Variants in ULK4 observed in about 807,000 individuals in gnomAD.
The protein encoded by ULK4 is inactive serine/threonine-protein kinase ULK4.
ULK4 carries 133 observed loss-of-function variants against 160.6 expected under a neutral mutation model. That is an observed-to-expected ratio of 0.83 (90% confidence interval 0.72 to 0.96). The LOEUF is 0.96. Among genes scored for constraint, ULK4 ranks in the 40% least tolerant of loss-of-function variants. The probability of loss-of-function intolerance (pLI) is 0.00; values close to 1 mark genes in which losing one functional copy is unlikely to be tolerated. For synonymous variants in ULK4, 534 were observed against 539.8 expected, an observed-to-expected ratio of 0.99 and a Z score of 0.15; for missense variants, 1,580 against 1,499.5, an observed-to-expected ratio of 1.05 and a Z score of -0.89.
At chr3:41,838,914 G>A (rs2041834078) in intron 17 of ULK4, among the ~76,000 whole-genome samples, 1 of 152,202 alleles carries the variant, frequency 6.6e-6, no homozygotes, top group Admixed American at 6.5e-5. Context: ...CTTACCTGAA[G>A]CTGGGGGTGG....
intron 14 of ULK4, among the ~76,000 whole-genome samples, chr3:41,897,649 C>T (rs141084983): frequency 5.4e-4 from 82 of 152,200 alleles, no homozygotes; most frequent in African/African-American, 1.9e-3. Flanking sequence ...GTAAATAGTC[C>T]TACTTGGCAC....
intron 17 of ULK4, among the ~76,000 whole-genome samples, chr3:41,853,290 T>C (rs573879741): frequency 6.6e-6 from 1 of 152,296 alleles, no homozygotes; most frequent in East Asian, 1.9e-4. Flanking sequence ...ACTGCTACTG[T>C]GGTACTCAAT....
chr3:41,931,614 C>T lies in ULK4; in HGVS notation c.541+230G>A, dbSNP rs191286598. 14 of 444,482 alleles carry T rather than the reference C, an allele frequency of 3.1e-5. No individual in the cohort carries two copies. In the Admixed American group the frequency reaches 4.6e-4, roughly 15 times the overall value. 27.5% of individuals were successfully genotyped at this position (444,482 alleles called of 1,614,324 possible). A position where few individuals can be genotyped will look rare whatever the true frequency, so the allele number is the denominator to read the frequency against. ...GCTCAGTAAAACATAAAGCTGAGGA[C>T]GAAATACAGGTTTTGTTAAGGTTCC... On this transcript the variant is annotated intron_variant, in intron 5 of 36. Coordinates refer to ENST00000301831, the MANE Select transcript of ULK4 (RefSeq NM_017886.4).
chr3:41,936,054 C>T (rs555792371), intron 3 of ULK4, 114 bp from the exon 4 acceptor site: 34 of 1,362,218 alleles, frequency 2.5e-5, no homozygotes, highest in Non-Finnish European at 3.0e-5. Context: ...ACAGTAAACG[C>T]TGACAGCCTG....
intron 31 of ULK4, among the ~76,000 whole-genome samples, chr3:41,587,824 T>C (rs2030944504): frequency 1.3e-5 from 2 of 152,210 alleles, no homozygotes; most frequent in African/African-American, 4.8e-5. Context: ...TAAATCTTTT[T>C]TAAATATCGG....
chr3:41,470,535 T>A (rs1478097941), intron 32 of ULK4, among the ~76,000 whole-genome samples: 1 of 152,114 alleles, frequency 6.6e-6, no homozygotes, highest in Non-Finnish European at 1.5e-5. Flanking sequence ...CAAAACTCAA[T>A]GGTATAAGTA....
At chr3:41,564,621 G>A (rs1414039970) in intron 32 of ULK4, among the ~76,000 whole-genome samples, 1 of 151,586 alleles carries the variant, frequency 6.6e-6, no homozygotes, top group Non-Finnish European at 1.5e-5. Context: ...ACCACACCTG[G>A]CTAATTTTTC....
chr3:41,827,850 A>G (rs1056931011), intron 18 of ULK4, among the ~76,000 whole-genome samples: 7 of 152,194 alleles, frequency 4.6e-5, no homozygotes, highest in African/African-American at 1.7e-4. Context: ...CAACCAAAAA[A>G]GAGAATTTTA....
intron 5 of ULK4, among the ~76,000 whole-genome samples, chr3:41,921,881 C>T (rs532792698): frequency 1.7e-4 from 26 of 152,142 alleles, no homozygotes; most frequent in Non-Finnish European, 3.2e-4. Context: ...CGGCCAGATG[C>T]GGTGGCTAAC....
intron 30 of ULK4, among the ~76,000 whole-genome samples, chr3:41,634,052 C>T (rs144356491): frequency 2.8e-4 from 42 of 152,310 alleles, no homozygotes; most frequent in Admixed American, 1.1e-3. Context: ...TGTTCCAATG[C>T]CAGAGTCACT....
chr3:41,442,059 T>A (rs776159527), intron 34 of ULK4, among the ~76,000 whole-genome samples: 2 of 152,216 alleles, frequency 1.3e-5, no homozygotes, highest in Non-Finnish European at 2.9e-5. Context: ...TGTGTCTTTA[T>A]AGCTAAGATA....
At chr3:41,383,877 A>T (rs1461602723) in intron 35 of ULK4, among the ~76,000 whole-genome samples, 1 of 152,212 alleles carries the variant, frequency 6.6e-6, no homozygotes, top group African/African-American at 2.4e-5. Context: ...TATATCTGTT[A>T]CCAAGAATAG....
intron 34 of ULK4, among the ~76,000 whole-genome samples, chr3:41,435,327 C>G (rs2083009568): frequency 6.6e-6 from 1 of 152,112 alleles, no homozygotes. Context: ...CAGGGACAAA[C>G]AGAACTGTGT....
chr3:41,340,649 C>T (rs2080662245), intron 35 of ULK4, among the ~76,000 whole-genome samples: 1 of 152,152 alleles, frequency 6.6e-6, no homozygotes, highest in Non-Finnish European at 1.5e-5. Flanking sequence ...TGCTCAATAG[C>T]CATTTATGGC....
chr3:41,398,155 T>A lies in ULK4; in HGVS notation c.3602A>T (p.Glu1201Val). 2 of 1,613,488 alleles carry A rather than the reference T, an allele frequency of 1.2e-6. No individual in the cohort carries two copies. The highest frequency in any genetic ancestry group is 1.7e-6 in the Non-Finnish European group (2 of 1,179,672). The part of the protein sequence containing the change: ...NPDSLSPENV[E>V]IFAHLLTSKE... Reference sequence around the variant, plus strand: ...GGATGTCAGTAAATGAGCAAAAATTTCCACATTTTCAGGAGAGAGGCTGTC... The same window carrying A: ...GGATGTCAGTAAATGAGCAAAAATTACCACATTTTCAGGAGAGAGGCTGTC... The change falls in exon 35 of 37, where the codon GAA (glutamate) becomes GTA (valine). Residue 1201 changes from glutamate (E) to valine (V), a missense_variant. Transcript: ENST00000301831.
chr3:41,683,887 C>T (rs1363988548), intron 27 of ULK4, among the ~76,000 whole-genome samples: 1 of 152,098 alleles, frequency 6.6e-6, no homozygotes, highest in Admixed American at 6.5e-5. Context: ...TGGACTTTGT[C>T]GTCTGTCTAT....
chr3:41,717,755 T>A lies in ULK4; in HGVS notation c.2428A>T (p.Ile810Phe). 6.2e-7 allele frequency: 1 copy of A among 1,614,046 alleles called. No individual in the cohort carries two copies. The highest frequency in any genetic ancestry group is 8.5e-7 in the Non-Finnish European group (1 of 1,179,964). The change falls in exon 23 of 37, where the codon ATT becomes TTT. Residue 810 changes from isoleucine (I) to phenylalanine (F), a missense_variant. Physicochemically the swap from Ile to Phe is conservative, Grantham distance 21. Coordinates refer to ENST00000301831, the MANE Select transcript of ULK4 (RefSeq NM_017886.4). ...SKCLDLLICH[I>F]VQELPRILGD... ...AGGATTCGTGGCAGCTCCTGCACAA[T>A]GTGACAGATGAGAAGATCCAGGCAT...
chr3:41,762,312 A>C (rs1436930250), intron 21 of ULK4, among the ~76,000 whole-genome samples: 1 of 152,084 alleles, frequency 6.6e-6, no homozygotes, highest in Non-Finnish European at 1.5e-5. Context: ...TCCTGTTACC[A>C]TCATTCTGTT....
chr3:41,582,511 G>T (rs568829738), intron 31 of ULK4, among the ~76,000 whole-genome samples: 2 of 152,174 alleles, frequency 1.3e-5, no homozygotes, highest in Non-Finnish European at 2.9e-5. Flanking sequence ...GCAGAGGTAC[G>T]TCAGCCTCAT....
Sources: gnomAD v4.1 joint callset for allele counts (sites outside exome capture counted in the v4.1 genomes callset) on GRCh38, gnomAD v4.1.1 for gene constraint, MANE v1.5 for transcripts, NCBI Gene and HGNC (gene_info 2026-07-23, HGNC 2026-07-21) for gene names.